Variants in ZNF595 observed in about 807,000 individuals in gnomAD.
The protein encoded by ZNF595 is zinc finger protein 595.
ZNF595 carries 9 observed loss-of-function variants against 19.4 expected under a neutral mutation model. That is an observed-to-expected ratio of 0.46 (90% CI 0.28 to 0.81). ZNF595 has a LOEUF of 0.81. Ranked by LOEUF, ZNF595 falls within the 30% of genes least tolerant of loss-of-function variation. ZNF595 has a pLI of 0.11. For missense variants in ZNF595, 729 were observed against 736.0 expected (o/e 0.99, Z 0.11); for synonymous variants, 255 against 255.9 (o/e 1.00, Z 0.03).
intron 3 of ZNF595, among the ~76,000 whole-genome samples, chr4:82,388 T>G (rs1328103579): frequency 8.5e-6 from 1 of 117,148 alleles, no homozygotes; most frequent in Admixed American, 8.0e-5. Context: ...TTTTTTTTTT[T>G]TTTTTTTTTT....
At chr4:70,086 T>C (rs1560087165) in intron 3 of ZNF595, among the ~76,000 whole-genome samples, 1 of 152,172 alleles carries the variant, frequency 6.6e-6, no homozygotes, top group Non-Finnish European at 1.5e-5. Context: ...TAAAGACTAA[T>C]TGACAAAGGC....
Position 85,778 on chromosome 4 carries a change from G to A in ZNF595, c.274G>A (p.Glu92Lys). The A allele has an allele frequency of 1.2e-6, 2 of 1,612,090 alleles. No homozygotes were observed. Among genetic ancestry groups the A allele is most frequent in the Non-Finnish European group, 1.7e-6 (2 of 1,178,640 alleles). The part of the protein sequence containing the change: ...SQDLSPVQGI[E>K]DSFHKLILKR... The stretch of plus-strand genomic sequence containing the variant: ...AGACCTTTCACCAGTGCAGGGGATA[G>A]AAGATTCATTCCACAAACTTATACT... The change falls in exon 4 of 4, where the codon GAA becomes AAA. Residue 92 changes from glutamate to lysine, a missense_variant. Transcript: ENST00000610261.
intron 3 of ZNF595, among the ~76,000 whole-genome samples, chr4:76,636 A>G (rs1218191185): frequency 6.6e-6 from 1 of 152,194 alleles, no homozygotes; most frequent in East Asian, 1.9e-4. Flanking sequence ...AAATGATTAT[A>G]AATTTCCTCA....
chr4:86,902 A>T lies in ZNF595; in HGVS notation c.1398A>T (p.Thr466=), dbSNP rs879982028. 1.9e-6 allele frequency: 3 copies of T among 1,605,936 alleles called. No individual in the cohort carries two copies. The highest frequency in any genetic ancestry group is 1.4e-5 in the African/African-American group (1 of 72,782). ...ECGKAFTRST[T]LNEHKKIHTG... is the part of the protein sequence containing the mutation. ...GCAAAGCCTTTACACGGTCCACAAC[A>T]CTGAACGAACATAAGAAAATTCATA... Residue 466 remains threonine (T), a synonymous_variant, in exon 4 of 4, where the codon ACA becomes ACT. Transcript: ENST00000610261.
chr4:86,496 A>G lies in ZNF595; in HGVS notation c.992A>G (p.Lys331Arg). 2.5e-6 allele frequency: 4 copies of G among 1,614,028 alleles called. No homozygotes were observed. The highest frequency in any genetic ancestry group is 3.4e-6 in the Non-Finnish European group (4 of 1,179,946). The part of the protein sequence containing the change: ...FRQSRSLNEH[K>R]NIHTGEKPYT... ...CAGTCCAGGAGCCTGAATGAACATA[A>G]AAATATTCATACTGGCGAAAAACCC... The change falls in exon 4 of 4, where the codon AAA (lysine) becomes AGA (arginine). Residue 331 changes from lysine (K) to arginine (R), a missense_variant. This residue lies in a region of ZNF595 where 729 missense variants were observed against 675.3 expected (regional missense o/e 1.08). Coordinates refer to ENST00000610261, the MANE Select transcript of ZNF595 (RefSeq NM_182524.4).
chr4:70,542 T>A (rs1553797722), intron 3 of ZNF595, among the ~76,000 whole-genome samples: 1 of 152,160 alleles, frequency 6.6e-6, no homozygotes, highest in Non-Finnish European at 1.5e-5. Context: ...TTCACCATGT[T>A]GGCCACTCTG....
chr4:72,571 G>A (rs1713475405), intron 3 of ZNF595, among the ~76,000 whole-genome samples: 1 of 152,100 alleles, frequency 6.6e-6, no homozygotes, highest in East Asian at 1.9e-4. Context: ...TAAATTCTAT[G>A]GACTAGGACT....
intron 3 of ZNF595, among the ~76,000 whole-genome samples, chr4:83,486 G>A (rs1387393119): frequency 8.6e-5 from 13 of 151,794 alleles, no homozygotes; most frequent in African/African-American, 3.1e-4. Flanking sequence ...CGGGCGTGGT[G>A]GCGGGTACCT....
chr4:75,511 T>C (rs781859320), intron 3 of ZNF595, among the ~76,000 whole-genome samples: 13 of 152,218 alleles, frequency 8.5e-5, no homozygotes, highest in Non-Finnish European at 1.3e-4. Context: ...GGGTCTCACT[T>C]AATTTTCTCA....
At chr4:80,641 TTGTTCTCTGGCA>T (rs1553799674) in intron 3 of ZNF595, among the ~76,000 whole-genome samples, 2 of 151,914 alleles carry the variant, frequency 1.3e-5, no homozygotes, top group African/African-American at 4.8e-5. Flanking sequence ...GTCAAAGGGG[TTGTTCTCTGGCA>T]GGCAGGGACA....
Position 87,343 on chromosome 4 carries a change from T to G in ZNF595, c.1839T>G (p.Ile613Met), listed in dbSNP as rs566550835. ...CATCCCTTACTAAACATAAGATAAT[T>G]CATACTGGAGAGAAATCCTACAAAT... ...WSSSLTKHKI[I>M]HTGEKSYKCE... Residue 613 changes from isoleucine to methionine, a missense_variant, in exon 4 of 4, where the codon ATT becomes ATG. Transcript: ENST00000610261. 1.6e-4 allele frequency: 261 copies of G among 1,613,508 alleles called. 1 individual carries two copies. In the South Asian group the frequency reaches 2.8e-3, roughly 17 times the overall value.
chr4:86,994 A>C lies in ZNF595; in HGVS notation c.1490A>C (p.Glu497Ala). Reference protein sequence around the residue: ...KAFIWSASLNEHKNIHTGEKP... With the variant: ...KAFIWSASLNAHKNIHTGEKP... ...TTCATATGGTCCGCAAGCCTGAATG[A>C]ACATAAGAATATTCATACTGGAGAG... Residue 497 changes from glutamate to alanine, a missense_variant, in exon 4 of 4, where the codon GAA becomes GCA. Physicochemically the swap from Glu to Ala is moderately radical, Grantham distance 107. Around this residue, in one of 2 missense-constraint regions of ZNF595, gnomAD observed 729 missense variants for 675.3 expected, o/e 1.08. Coordinates refer to ENST00000610261, the MANE Select transcript of ZNF595 (RefSeq NM_182524.4). 6.2e-7 allele frequency: 1 copy of C among 1,613,956 alleles called. No homozygotes were observed. Among genetic ancestry groups the C allele is most frequent in the Non-Finnish European group, 8.5e-7 (1 of 1,179,944 alleles).
intron 3 of ZNF595, among the ~76,000 whole-genome samples, chr4:77,415 G>A (rs907852255): frequency 6.6e-6 from 1 of 151,596 alleles, no homozygotes; most frequent in African/African-American, 2.4e-5. Flanking sequence ...GTGTTTTATT[G>A]TAAGTGGTTA....
At chr4:85,332 A>G (rs1714086748) in intron 3 of ZNF595, among the ~76,000 whole-genome samples, 1 of 152,186 alleles carries the variant, frequency 6.6e-6, no homozygotes, top group Non-Finnish European at 1.5e-5. Flanking sequence ...CAGATTTTGT[A>G]AAGACCCCAG....
At chr4:73,730 A>G (rs1388900137) in intron 3 of ZNF595, among the ~76,000 whole-genome samples, 1 of 152,170 alleles carries the variant, frequency 6.6e-6, no homozygotes, top group African/African-American at 2.4e-5. Context: ...TCTGGTAAAC[A>G]TAGGTAAAGT....
At chr4:71,253 A>T (rs1382595142) in intron 3 of ZNF595, among the ~76,000 whole-genome samples, 1 of 152,198 alleles carries the variant, frequency 6.6e-6, no homozygotes, top group Non-Finnish European at 1.5e-5. Context: ...CAAATATAAA[A>T]CTACATCATC....
At chr4:83,619 C>CAAAAAAAAAAA (rs71164492) in intron 3 of ZNF595, among the ~76,000 whole-genome samples, 12 of 38,594 alleles carry the variant, frequency 3.1e-4, no homozygotes, top group African/African-American at 6.3e-4. Flanking sequence ...GACTCCGTCT[C>CAAAAAAAAAAA]AAAAAAAAAA....
chr4:78,970 G>A (rs1355639658), intron 3 of ZNF595, among the ~76,000 whole-genome samples: 1 of 152,228 alleles, frequency 6.6e-6, no homozygotes, highest in African/African-American at 2.4e-5. Flanking sequence ...TGGGATTACA[G>A]GCATGGGCCA....
chr4:72,268 T>C (rs535523920), intron 3 of ZNF595, among the ~76,000 whole-genome samples: 33 of 152,316 alleles, frequency 2.2e-4, no homozygotes, highest in African/African-American at 6.5e-4. Context: ...ATTTTTTTTT[T>C]CCCTGAGCAA....
Sources: gnomAD v4.1 joint callset for allele counts (sites outside exome capture counted in the v4.1 genomes callset) on GRCh38, gnomAD v4.1.1 for gene constraint, gnomAD v4.1.1 regional missense constraint, MANE v1.5 for transcripts, NCBI Gene and HGNC (gene_info 2026-07-23, HGNC 2026-07-21) for gene names.